The following CYP17A1 variants were observed in gnomAD, a reference collection of about 807,000 sequenced individuals.
CYP17A1 encodes the protein cytochrome P450 family 17 subfamily A member 1.
In CYP17A1, 27 loss-of-function variants were observed where a neutral mutation model predicts 38.5. That is an observed-to-expected ratio of 0.70 (90% confidence interval 0.52 to 0.97). The LOEUF (loss-of-function observed/expected upper bound fraction) is 0.97, where lower values mean the gene tolerates loss of function less well. Ranked by LOEUF, CYP17A1 falls within the 50% of genes least tolerant of loss-of-function variation. CYP17A1 has a pLI of 0.00. For synonymous variants in CYP17A1, 263 were observed against 253.3 expected (o/e 1.04, Z -0.36); for missense variants, 549 against 645.9 (o/e 0.85, Z 1.63).
rs17115125 is a variant in CYP17A1 at position 102,837,375 on chromosome 10, C to T, written c.-14G>A. 3.8e-3 allele frequency: 6,056 copies of T among 1,587,946 alleles called. 105 individuals carry two copies. The highest frequency in any genetic ancestry group is 0.014 in the East Asian group (609 of 44,754). ...GAGCTCCCACATGGTGGCTGGGTGC[C>T]GGCAGGCAAGATAGACAGCAGTGGA... On this transcript the variant is annotated 5_prime_UTR_variant, in exon 1 of 8. Transcript: ENST00000369887.
Position 102,831,538 on chromosome 10 carries a change from C to A in CYP17A1, c.1213G>T (p.Glu405Ter). 6.2e-7 allele frequency: 1 copy of A among 1,613,954 alleles called. No homozygotes were observed. Among genetic ancestry groups the A allele is most frequent in the Non-Finnish European group, 8.5e-7 (1 of 1,180,008 alleles). The change falls in exon 7 of 8, where the codon GAG (glutamate) becomes TAG (stop). Residue 405 changes from glutamate to a stop codon, truncating the protein, a stop_gained. Transcript: ENST00000369887. LOFTEE classifies it high-confidence loss of function. ...NLWALHHNEK[E>*]WHQPDQFMPE... ...ATGAACTGATCCGGCTGGTGCCACT[C>A]CTTCTCATTGTGATGCAGCGCCCAC...
chr10:102,834,089 T>A lies in CYP17A1; in HGVS notation c.700A>T (p.Ser234Cys). The A allele has an allele frequency of 7.5e-7, 1 of 1,329,486 alleles. No individual in the cohort carries two copies. Among genetic ancestry groups the A allele is most frequent in the Non-Finnish European group, 1.1e-6 (1 of 919,994 alleles). The allele number at this position is 1,329,486 out of a possible 1,614,324, so 82.4% of individuals were successfully genotyped here. ...AGATCATTTCGTATTTTAACATGGC[T>A]CTTTAATTTTTCCAGGGTTTTGTTG... Reference protein sequence around the residue: ...FPNKTLEKLKSHVKIRNDLLN... With the variant: ...FPNKTLEKLKCHVKIRNDLLN... Residue 234 changes from serine to cysteine, a missense_variant, in exon 4 of 8, where the codon AGC (serine) becomes TGC (cysteine). Ser to Cys is a moderately radical substitution (Grantham distance 112). Transcript: ENST00000369887.
At position 102,837,177 on chromosome 10, in the gene CYP17A1, G is replaced by A; in HGVS notation, c.185C>T (p.Pro62Leu). The change falls in exon 1 of 8, where the codon CCC (proline) becomes CTC (leucine). Residue 62 changes from proline (P) to leucine (L), a missense_variant. This residue lies in a region of CYP17A1 where 289 missense variants were observed against 320.9 expected (regional missense o/e 0.90). Coordinates refer to ENST00000369887, the MANE Select transcript of CYP17A1 (RefSeq NM_000102.4). ...NFFKLQKKYG[P>L]IYSVRMGTKT... ...GGTGCCCATACGAACCGAATAGATG[G>A]GGCCATATTTTTTCTGCAGCTTGAA... 1.3e-6 allele frequency: 2 copies of A among 1,598,354 alleles called. No homozygotes were observed.
chr10:102,835,090 C>G (rs903593909), intron 2 of CYP17A1, 76 bp from the exon 3 acceptor site: 6 of 1,144,518 alleles, frequency 5.2e-6, no homozygotes, highest in Admixed American at 1.7e-5. Flanking sequence ...TGCCTCTTAA[C>G]AGGAGCGGGG....
intron 3 of CYP17A1, chr10:102,834,379 T>G (rs1844131791): frequency 7.1e-6 from 4 of 561,026 alleles, no homozygotes; most frequent in Non-Finnish European, 1.3e-5. Context: ...GCGCTGACTC[T>G]GCTATGTGTC....
In CYP17A1 at chr10:102,837,110, C is replaced by T. The variant is rs770800801; in HGVS notation, c.252G>A (p.Glu84=). ...VIVGHHQLAK[E]VLIKKGKDFS... ...AGTCCTTGCCCTTCTTAATAAGCAC[C>T]TCCTTGGCCAGCTGGTGGTGGCCGA... The change falls in exon 1 of 8, where the codon GAG becomes GAA. Residue 84 remains glutamate (E), a synonymous_variant. Coordinates refer to ENST00000369887, the MANE Select transcript of CYP17A1 (RefSeq NM_000102.4). 1 of 1,608,792 alleles carries T rather than the reference C, an allele frequency of 6.2e-7. No homozygotes were observed. Among genetic ancestry groups the T allele is most frequent in the South Asian group, 1.1e-5 (1 of 90,980 alleles).
At chr10:102,832,737 G>T in intron 5 of CYP17A1, 57 bp from the exon 6 acceptor site, 1 of 1,304,006 alleles carries the variant, frequency 7.7e-7, no homozygotes, top group Middle Eastern at 1.8e-4. Flanking sequence ...GAGAAGCAAG[G>T]GCTTAGAGAA....
At position 102,835,005 on chromosome 10, in the gene CYP17A1, T is replaced by C. The variant is rs770597902; in HGVS notation, c.446A>G (p.Glu149Gly). The C allele has an allele frequency of 6.3e-7, 1 of 1,590,936 alleles. No individual in the cohort carries two copies. Among genetic ancestry groups the C allele is most frequent in the Non-Finnish European group, 8.6e-7 (1 of 1,163,672 alleles). ...DQKLEKIICQ[E>G]ISTLCDMLAT... ...CAGCATATCACACAATGTACTGATT[T>C]CCTGACAAACTGAAGGGAGAGGGGG... Residue 149 changes from glutamate to glycine, a missense_variant, in exon 3 of 8, where the codon GAA becomes GGA. Physicochemically the swap from Glu to Gly is moderately conservative, Grantham distance 98. Transcript: ENST00000369887.
Position 102,837,273 on chromosome 10 carries a change from C to T in CYP17A1, c.89G>A (p.Ser30Asn), listed in dbSNP as rs1341416067. The T allele has an allele frequency of 6.2e-7, 1 of 1,604,324 alleles. No homozygotes were observed. Among genetic ancestry groups the T allele is most frequent in the Admixed American group, 1.7e-5 (1 of 60,010 alleles). The change falls in exon 1 of 8, where the codon AGC becomes AAC. Residue 30 changes from serine (S) to asparagine (N), a missense_variant. Coordinates refer to ENST00000369887, the MANE Select transcript of CYP17A1 (RefSeq NM_000102.4). ...RRCPGAKYPK[S>N]LLSLPLVGSL... ...GCCCACCAGGGGCAGGGACAGGAGGCTCTTGGGGTACTTGGCACCAGGGCA... is the reference window on the plus strand; with the variant it reads ...GCCCACCAGGGGCAGGGACAGGAGGTTCTTGGGGTACTTGGCACCAGGGCA...
chr10:102,831,828 T>C (rs1590202790), intron 6 of CYP17A1: 1 of 786,108 alleles, frequency 1.3e-6, no homozygotes, highest in East Asian at 3.1e-5. Flanking sequence ...AACACCTGTG[T>C]CTGTGGACTT....
chr10:102,834,275 C>T lies in CYP17A1; in HGVS notation c.667-153G>A. 16 of 675,720 alleles carry T rather than the reference C, an allele frequency of 2.4e-5. No individual in the cohort carries two copies. In the South Asian group the frequency reaches 2.4e-4, roughly 10 times the overall value. 41.9% of individuals were successfully genotyped at this position (675,720 alleles called of 1,614,324 possible). On this transcript the variant is annotated intron_variant, in intron 3 of 7. Transcript: ENST00000369887. The stretch of plus-strand genomic sequence containing the variant: ...GCCAGAATGGAAGGCAAGATGGGGA[C>T]ACAGAACGGGTTTATCATGACGACG...
At chr10:102,833,409 C>T (rs1467273875) in intron 4 of CYP17A1, 4 of 892,666 alleles carry the variant, frequency 4.5e-6, no homozygotes, top group Non-Finnish European at 6.5e-6. Flanking sequence ...TAGGTCTCTT[C>T]TAGGATCCTC....
chr10:102,831,788 C>A, intron 6 of CYP17A1, 177 bp from the exon 7 acceptor site: 1 of 1,170,266 alleles, frequency 8.5e-7, no homozygotes, highest in Non-Finnish European at 1.2e-6. Context: ...CCTTCTCCAT[C>A]CCTTCCCTCC....
intron 5 of CYP17A1, 49 bp downstream of exon 5, chr10:102,832,944 C>T: frequency 1.9e-6 from 3 of 1,605,870 alleles, no homozygotes; most frequent in Non-Finnish European, 2.6e-6. Context: ...TCTCTGGAGC[C>T]CAGAGATTGG....
chr10:102,835,288 C>T lies in CYP17A1; in HGVS notation c.402G>A (p.Leu134=). 6.2e-7 allele frequency: 1 copy of T among 1,613,632 alleles called. No individual in the cohort carries two copies. The highest frequency in any genetic ancestry group is 8.5e-7 in the Non-Finnish European group (1 of 1,179,490). ...CCAGCTTCTGATCGCCATCCTTGAA[C>T]AGGGCAAAGGTGGCCATCGCCAGCC... ...HRRLAMATFA[L]FKDGDQKLEK... is the part of the protein sequence containing the mutation. The change falls in exon 2 of 8, where the codon CTG becomes CTA. Residue 134 remains leucine, a synonymous_variant. Transcript: ENST00000369887.
rs150698224 is a variant in CYP17A1, at chr10:102,835,375, C to G, written c.315G>C (p.Ala105=). ...GRPQMATLDI[A]SNNRKGIAFA... is the part of the protein sequence containing the mutation. ...AGGCGATACCCTTACGGTTGTTGGACGCGATGTCTAGAGTTGCCTTTAGAG... is the reference window on the plus strand; with the variant it reads ...AGGCGATACCCTTACGGTTGTTGGAGGCGATGTCTAGAGTTGCCTTTAGAG... The change falls in exon 2 of 8, where the codon GCG becomes GCC. Residue 105 remains alanine, a synonymous_variant. Transcript: ENST00000369887. 9 of 1,612,822 alleles carry G rather than the reference C, an allele frequency of 5.6e-6. No individual in the cohort carries two copies. Among genetic ancestry groups the G allele is most frequent in the Admixed American group, 1.7e-5 (1 of 60,012 alleles).
intron 5 of CYP17A1, 70 bp downstream of exon 5, chr10:102,832,923 G>A (rs1844110785): frequency 6.3e-7 from 1 of 1,588,088 alleles, no homozygotes; most frequent in Non-Finnish European, 8.6e-7. Context: ...TGAGAGAATT[G>A]GCTCTCCCTT....
rs1287826043 is a variant in CYP17A1 at position 102,830,719 on chromosome 10, C to T, written c.1510G>A (p.Ala504Thr). 6.3e-7 allele frequency: 1 copy of T among 1,598,050 alleles called. No individual in the cohort carries two copies. Among genetic ancestry groups the T allele is most frequent in the Non-Finnish European group, 8.6e-7 (1 of 1,168,078 alleles). Residue 504 changes from alanine to threonine, a missense_variant, in exon 8 of 8, where the codon GCT becomes ACT. Coordinates refer to ENST00000369887, the MANE Select transcript of CYP17A1 (RefSeq NM_000102.4). This position sits in a 1 kb window ranked among gnomAD's most constrained non-coding sequence, Gnocchi z 4.1. The stretch of plus-strand genomic sequence containing the variant: ...TACAGCCTTTAGGTGCTACCCTCAG[C>T]CTGGGCTTCCCTCCAGGCCTGGCGC... ...KVRQAWREAQ[A>T]EGST
At chr10:102,831,054 T>A in intron 7 of CYP17A1, 69 bp from the exon 8 acceptor site, 1 of 1,073,626 alleles carries the variant, frequency 9.3e-7, no homozygotes, top group Non-Finnish European at 1.4e-6. Flanking sequence ...TCTGCCCTGG[T>A]TGAGGGGGAG....
Sources: gnomAD v4.1 joint callset for allele counts on GRCh38, gnomAD v4.1.1 for gene constraint, gnomAD v4.1.1 regional missense constraint, Gnocchi (gnomAD v3.1) non-coding constraint, MANE v1.5 for transcripts, NCBI Gene and HGNC (gene_info 2026-07-23, HGNC 2026-07-21) for gene names.